The following MIA2 variants were observed in gnomAD, a reference collection of about 807,000 sequenced individuals.
MIA2 encodes melanoma inhibitory activity protein 2.
A neutral mutation model predicts 167.8 loss-of-function variants in MIA2; 127 were observed. That is an observed-to-expected ratio of 0.76 (90% CI 0.66 to 0.88). MIA2 has a LOEUF of 0.88. Ranked by LOEUF, MIA2 falls within the 40% of genes least tolerant of loss-of-function variation. The pLI, the probability that MIA2 is intolerant of heterozygous loss-of-function variation, is 0.00. For missense variants in MIA2, 1,690 were observed against 1,624.7 expected, an observed-to-expected ratio of 1.04 and a Z score of -0.69; for synonymous variants, 552 against 541.9, an observed-to-expected ratio of 1.02 and a Z score of -0.26.
At chr14:39,320,822 A>T (rs1435932021) in intron 23 of MIA2, 106 bp from the exon 24 acceptor site, 11 of 1,231,966 alleles carry the variant, frequency 8.9e-6, no homozygotes, top group Non-Finnish European at 1.3e-5. Context: ...ATTAAACTTA[A>T]ATTGGCAATA....
chr14:39,234,246 C>G lies in MIA2; in HGVS notation c.115+17C>G. The G allele has an allele frequency of 1.3e-6, 2 of 1,498,812 alleles. No homozygotes were observed. The highest frequency in any genetic ancestry group is 1.2e-5 in the South Asian group (1 of 86,214). The allele number at this position is 1,498,812 out of a possible 1,614,324, so 92.8% of individuals were successfully genotyped here. A position where few individuals can be genotyped will look rare whatever the true frequency, so the allele number is the denominator to read the frequency against. On this transcript the variant is annotated intron_variant, in intron 1 of 28. Transcript: ENST00000640607. ...AATGTGAAGGTAAGTTTGCTTCCCC[C>G]GCTTCTTCTCCTCCTAAATTGAGGC...
At chr14:39,332,367 C>T (rs914824802) in intron 25 of MIA2, among the ~76,000 whole-genome samples, 20 of 152,230 alleles carry the variant, frequency 1.3e-4, no homozygotes, top group East Asian at 1.9e-4. Flanking sequence ...ATGTTCTTAG[C>T]TTCCTTGCAT....
chr14:39,257,704 T>C (rs1412463988), intron 6 of MIA2, among the ~76,000 whole-genome samples: 1 of 152,206 alleles, frequency 6.6e-6, no homozygotes, highest in Non-Finnish European at 1.5e-5. Context: ...TTTGGTGTGT[T>C]TTTGCAGTGG....
intron 23 of MIA2, among the ~76,000 whole-genome samples, chr14:39,375,097 C>T (rs2075020828): frequency 7.3e-6 from 1 of 137,552 alleles, no homozygotes. Flanking sequence ...AAATATTCTT[C>T]CTGCTGCTTG....
intron 6 of MIA2, among the ~76,000 whole-genome samples, chr14:39,258,897 A>C (rs924624555): frequency 6.6e-6 from 1 of 152,288 alleles, no homozygotes; most frequent in South Asian, 2.1e-4. Flanking sequence ...GTTCGACTGG[A>C]TATCACCAGT....
intron 6 of MIA2, among the ~76,000 whole-genome samples, chr14:39,273,133 T>G (rs2057421490): frequency 6.6e-6 from 1 of 152,306 alleles, no homozygotes; most frequent in African/African-American, 2.4e-5. Flanking sequence ...GGATGCCTTT[T>G]ATTTATTTTT....
At position 39,356,865 on chromosome 14, in the gene MIA2, AGT is replaced by A. The variant is rs746569514; in HGVS notation, c.2248+7890_2248+7891del. On this transcript the variant is annotated intron_variant, in intron 23 of 23. Coordinates refer to the MIA2 transcript ENST00000341502. ...GTTTCCATGTAGTTGAGCAGTTTTG[AGT>A]GAGTTTCTTAATCCTGAGTTCTAGT... 2.5e-3 allele frequency among the ~76,000 whole-genome samples: 378 copies of A among 152,280 alleles called. 2 individuals carry two copies. The highest frequency in any genetic ancestry group is 4.8e-3 in the Non-Finnish European group (325 of 68,026).
intron 6 of MIA2, among the ~76,000 whole-genome samples, chr14:39,263,131 A>G (rs1355048423): frequency 1.3e-5 from 2 of 152,154 alleles, no homozygotes; most frequent in African/African-American, 4.8e-5. Context: ...TTGCCCATTC[A>G]GTATGATATT....
At chr14:39,368,873 T>C (rs1330032531) in intron 23 of MIA2, among the ~76,000 whole-genome samples, 2 of 152,164 alleles carry the variant, frequency 1.3e-5, no homozygotes, top group Non-Finnish European at 2.9e-5. Context: ...TCACAGATGT[T>C]GTCCTTTTTG....
chr14:39,256,000 T>C (rs1416401520), intron 6 of MIA2, among the ~76,000 whole-genome samples: 1 of 152,200 alleles, frequency 6.6e-6, no homozygotes, highest in Non-Finnish European at 1.5e-5. Flanking sequence ...CAAAACTGGC[T>C]TTGTATTGTC....
At chr14:39,343,049 G>C (rs1367462949) in intron 25 of MIA2, among the ~76,000 whole-genome samples, 1 of 152,150 alleles carries the variant, frequency 6.6e-6, no homozygotes, top group Non-Finnish European at 1.5e-5. Flanking sequence ...TACTAACAGT[G>C]CTGCAGCTAG....
intron 23 of MIA2, among the ~76,000 whole-genome samples, chr14:39,377,719 A>G (rs1157305970): frequency 6.6e-6 from 1 of 152,160 alleles, no homozygotes; most frequent in African/African-American, 2.4e-5. Context: ...TTATTTGCAT[A>G]AAGTACAGCA....
chr14:39,320,870 C>T (rs1432574407), intron 23 of MIA2, 58 bp from the exon 24 acceptor site: 2 of 1,568,078 alleles, frequency 1.3e-6, no homozygotes, highest in South Asian at 1.2e-5. Context: ...GGGATTCTAA[C>T]TCTGTAGTGT....
chr14:39,386,104 G>A, intron 23 of MIA2: 2 of 1,284,648 alleles, frequency 1.6e-6, no homozygotes, highest in Non-Finnish European at 2.2e-6. Context: ...CAGGGTGCTT[G>A]ATGACATCAA....
intron 25 of MIA2, 34 bp from the exon 26 acceptor site, chr14:39,345,867 TACA>T (rs2073126391): frequency 6.4e-7 from 1 of 1,562,866 alleles, no homozygotes; most frequent in African/African-American, 1.4e-5. Context: ...GATTTATATT[TACA>T]TTAATGAAGA....
intron 23 of MIA2, among the ~76,000 whole-genome samples, chr14:39,320,304 G>C (rs1037263358): frequency 1.4e-4 from 22 of 152,106 alleles, no homozygotes; most frequent in Non-Finnish European, 3.2e-4. Flanking sequence ...TTTGAGAGTG[G>C]TGAAGTTTGT....
At chr14:39,308,410 A>G in intron 17 of MIA2, 39 bp from the exon 18 acceptor site, 7 of 1,292,092 alleles carry the variant, frequency 5.4e-6, no homozygotes, top group Non-Finnish European at 7.3e-6. Flanking sequence ...GCAACTCAAA[A>G]TGTTTCTCCT....
In MIA2 at chr14:39,279,498, A is replaced by G; in HGVS notation, c.2091A>G (p.Lys697=). The part of the protein sequence containing the change: ...ALMLSGLIEE[K]SKLLEKFSLV... Reference sequence around the variant, plus strand: ...TGCTTTCTGGACTAATTGAAGAAAAAAGTAAACTACTTGAAAAATTTAGCC... The same window carrying G: ...TGCTTTCTGGACTAATTGAAGAAAAGAGTAAACTACTTGAAAAATTTAGCC... Residue 697 remains lysine (K), a synonymous_variant, in exon 9 of 29, where the codon AAA becomes AAG. Coordinates refer to ENST00000640607, the MANE Select transcript of MIA2 (RefSeq NM_001329214.4). 6.2e-7 allele frequency: 1 copy of G among 1,608,330 alleles called. No individual in the cohort carries two copies. The highest frequency in any genetic ancestry group is 1.9e-4 in the Middle Eastern group (1 of 5,202).
intron 23 of MIA2, among the ~76,000 whole-genome samples, chr14:39,369,231 T>C (rs183635396): frequency 6.6e-6 from 1 of 152,272 alleles, no homozygotes; most frequent in East Asian, 1.9e-4. Context: ...AGGGATCTGG[T>C]TGGCAGGGTG....
Sources: allele counts gnomAD v4.1 joint callset (sites outside exome capture counted in the v4.1 genomes callset), GRCh38; gene constraint gnomAD v4.1.1; transcripts MANE v1.5; gene names NCBI Gene and HGNC (gene_info 2026-07-23, HGNC 2026-07-21).